Variants in FHAD1 observed in about 807,000 individuals in gnomAD.
FHAD1 encodes forkhead-associated domain-containing protein 1.
FHAD1 carries 146 observed loss-of-function variants against 191.3 expected under a neutral mutation model. The ratio of observed to expected loss-of-function variants is 0.76; its 90% CI spans 0.67 to 0.88. The LOEUF (loss-of-function observed/expected upper bound fraction) is 0.88. FHAD1 is among the 40% of genes least tolerant of loss of function. The pLI, the probability that FHAD1 is intolerant of heterozygous loss-of-function variation, is 0.00. For synonymous variants in FHAD1, 616 were observed against 672.3 expected, an observed-to-expected ratio of 0.92 and a Z score of 1.29; for missense variants, 1,635 against 1,785.8, an observed-to-expected ratio of 0.92 and a Z score of 1.52.
chr1:15,258,068 C>T (rs1333600142), intron 2 of FHAD1, among the ~76,000 whole-genome samples: 1 of 152,116 alleles, frequency 6.6e-6, no homozygotes, highest in Non-Finnish European at 1.5e-5. Context: ...TCTCGAACTC[C>T]CTACCTCAGG....
At position 15,369,520 on chromosome 1, in the gene FHAD1, C is replaced by G; in HGVS notation, c.3447+18C>G. The stretch of plus-strand genomic sequence containing the variant: ...GCCAAGAGGTGAGTGCCACCCACTC[C>G]TGGGTACTGGAAGGATGTGCAAAGA... On this transcript the variant is annotated intron_variant, in intron 26 of 33. Transcript: ENST00000688493. 9 of 1,551,608 alleles carry G rather than the reference C, an allele frequency of 5.8e-6. 1 individual carries two copies. Among genetic ancestry groups the G allele is most frequent in the Non-Finnish European group, 8.7e-7 (1 of 1,146,918 alleles).
intron 28 of FHAD1, among the ~76,000 whole-genome samples, chr1:15,376,648 G>A (rs533027898): frequency 7.9e-5 from 12 of 152,172 alleles, no homozygotes; most frequent in Admixed American, 1.3e-4. Context: ...GTAAAATGAT[G>A]ACAAAAATAC....
In FHAD1 at chr1:15,324,475, T is replaced by A. The variant is rs1677513048; in HGVS notation, c.1389T>A (p.Asp463Glu). The A allele has an allele frequency of 8.4e-6, 13 of 1,551,826 alleles. No individual in the cohort carries two copies. The highest frequency in any genetic ancestry group is 1.0e-5 in the Non-Finnish European group (12 of 1,146,724). The change falls in exon 11 of 34, where the codon GAT becomes GAA. Residue 463 changes from aspartate to glutamate, a missense_variant. Transcript: ENST00000688493. ...AGGTTGAAGAGAAGCTTCAGGAGGATTCCAGAAGGAAATTGCTTCAGCTGC... is the reference window on the plus strand; with the variant it reads ...AGGTTGAAGAGAAGCTTCAGGAGGAATCCAGAAGGAAATTGCTTCAGCTGC... Reference protein sequence around the residue: ...KSKVEEKLQEDSRRKLLQLQE... With the variant: ...KSKVEEKLQEESRRKLLQLQE...
At chr1:15,278,943 T>C (rs10927761) in intron 3 of FHAD1, among the ~76,000 whole-genome samples, 32,136 of 152,216 alleles carry the variant, frequency 0.21, 4,747 homozygotes, top group African/African-American at 0.41. Flanking sequence ...TGGAAGTTTT[T>C]TTTTAAAACT....
intron 22 of FHAD1, among the ~76,000 whole-genome samples, chr1:15,361,409 C>T (rs1356138325): frequency 6.6e-6 from 1 of 152,104 alleles, no homozygotes; most frequent in Admixed American, 6.5e-5. Context: ...CAGACATTGC[C>T]CAATGTCCCC....
intron 31 of FHAD1, chr1:15,383,528 T>C: frequency 2.9e-6 from 1 of 340,618 alleles, no homozygotes; most frequent in Admixed American, 3.8e-5. Context: ...CTTTCCTGTC[T>C]GCTTTGCAGT....
At chr1:15,361,263 T>C (rs897147739) in intron 22 of FHAD1, among the ~76,000 whole-genome samples, 3 of 152,216 alleles carry the variant, frequency 2.0e-5, no homozygotes, top group Non-Finnish European at 2.9e-5. Flanking sequence ...CTCAGCCCTG[T>C]TGACATTTGG....
At chr1:15,365,802 C>T (rs2102747991) in intron 23 of FHAD1, 25 bp from the exon 24 acceptor site, 2 of 1,455,202 alleles carry the variant, frequency 1.4e-6, no homozygotes, top group East Asian at 2.5e-5. Context: ...GTTGAACTGA[C>T]TTCACCTGTT....
At chr1:15,297,179 C>A (rs946514576) in intron 5 of FHAD1, among the ~76,000 whole-genome samples, 7 of 152,178 alleles carry the variant, frequency 4.6e-5, no homozygotes, top group Non-Finnish European at 8.8e-5. Flanking sequence ...GTCTGGTTAA[C>A]TTCCCTAGTG....
chr1:15,271,534 T>G (rs879675969), intron 2 of FHAD1, among the ~76,000 whole-genome samples: 24 of 152,166 alleles, frequency 1.6e-4, no homozygotes, highest in Non-Finnish European at 3.1e-4. Context: ...GGAAACATGG[T>G]CACACCAAGC....
intron 20 of FHAD1, 136 bp downstream of exon 20, chr1:15,353,120 C>G: frequency 6.3e-6 from 4 of 639,142 alleles, no homozygotes; most frequent in Non-Finnish European, 1.1e-5. Context: ...CTTACCATCT[C>G]TGTGCCTTAG....
At chr1:15,356,282 G>A (rs1180533024) in intron 20 of FHAD1, among the ~76,000 whole-genome samples, 1 of 152,220 alleles carries the variant, frequency 6.6e-6, no homozygotes. Flanking sequence ...AAAGCAGGGA[G>A]GTGAAAGTTT....
In FHAD1 at chr1:15,374,529, A is replaced by C; in HGVS notation, c.3475A>C (p.Arg1159=). The change falls in exon 27 of 34, where the codon AGG becomes CGG. Residue 1159 remains arginine (R), a synonymous_variant. Transcript: ENST00000688493. The part of the protein sequence containing the change: ...EQQSFSDLGV[R]CKGSRHEEVI... The stretch of plus-strand genomic sequence containing the variant: ...GCAATCCTTCAGCGATCTAGGGGTC[A>C]GGTGCAAAGGGTCCCGGCACGAGGA... 3 of 1,551,846 alleles carry C rather than the reference A, an allele frequency of 1.9e-6. No individual in the cohort carries two copies. The highest frequency in any genetic ancestry group is 2.6e-6 in the Non-Finnish European group (3 of 1,147,028).
chr1:15,296,241 C>T (rs1666916359), intron 4 of FHAD1, among the ~76,000 whole-genome samples: 1 of 151,732 alleles, frequency 6.6e-6, no homozygotes, highest in African/African-American at 2.4e-5. Context: ...AACACACACA[C>T]CACTTTGTAA....
At position 15,313,206 on chromosome 1, in the gene FHAD1, G is replaced by T. The variant is rs769537613; in HGVS notation, c.1170+19G>T. On this transcript the variant is annotated intron_variant, in intron 8 of 33. Transcript: ENST00000688493. Reference sequence around the variant, plus strand: ...CTCTAGAGTGAGTAAGGATGACTGCGTCACCTTGTAGCCATCCGGTGAAAA... The same window carrying T: ...CTCTAGAGTGAGTAAGGATGACTGCTTCACCTTGTAGCCATCCGGTGAAAA... 8.2e-5 allele frequency: 127 copies of T among 1,551,054 alleles called. No homozygotes were observed. The highest frequency in any genetic ancestry group is 1.0e-4 in the Non-Finnish European group (118 of 1,146,638).
chr1:15,282,371 G>T (rs188676279), intron 3 of FHAD1, among the ~76,000 whole-genome samples: 1 of 152,150 alleles, frequency 6.6e-6, no homozygotes, highest in Non-Finnish European at 1.5e-5. Flanking sequence ...AAATATGCAG[G>T]ACTCTTTATG....
chr1:15,236,714 A>G (rs1337192510), exon 1 of FHAD1, among the ~76,000 whole-genome samples: 2 of 152,174 alleles, frequency 1.3e-5, no homozygotes, highest in Non-Finnish European at 2.9e-5. Flanking sequence ...CCAGAGAGAG[A>G]CTGAGGTCTG....
intron 29 of FHAD1, 117 bp downstream of exon 29, chr1:15,380,913 A>T (rs902795538): frequency 2.8e-6 from 2 of 721,744 alleles, no homozygotes; most frequent in Admixed American, 2.7e-5. Flanking sequence ...TACTCTAATA[A>T]CTCTGCAGGA....
At chr1:15,315,545 G>A (rs1381883443) in intron 8 of FHAD1, among the ~76,000 whole-genome samples, 1 of 149,296 alleles carries the variant, frequency 6.7e-6, no homozygotes, top group Non-Finnish European at 1.5e-5. Flanking sequence ...GAGTGCAGTG[G>A]CGCGATCTCA....
Sources: gnomAD v4.1 joint callset for allele counts (sites outside exome capture counted in the v4.1 genomes callset) on GRCh38, gnomAD v4.1.1 for gene constraint, MANE v1.5 for transcripts, NCBI Gene and HGNC (gene_info 2026-07-23, HGNC 2026-07-21) for gene names.